Variants in SLC7A5 observed in about 807,000 individuals in gnomAD.
The protein encoded by SLC7A5 is solute carrier family 7 member 5.
SLC7A5 carries 23 observed loss-of-function variants against 50.2 expected under a neutral mutation model. The observed-to-expected ratio is 0.46, with a 90% confidence interval of 0.33 to 0.65. The LOEUF (loss-of-function observed/expected upper bound fraction) is 0.65, where lower values mean the gene tolerates loss of function less well. Ranked by LOEUF, SLC7A5 falls within the 30% of genes least tolerant of loss-of-function variation. The pLI, the probability that SLC7A5 is intolerant of heterozygous loss-of-function variation, is 0.02. For missense variants in SLC7A5, 578 were observed against 684.4 expected (o/e 0.84, Z 1.73); for synonymous variants, 393 against 330.6 (o/e 1.19, Z -2.05).
At chr16:87,834,274 G>T in intron 9 of SLC7A5, 140 bp downstream of exon 9, 1 of 787,310 alleles carries the variant, frequency 1.3e-6, no homozygotes, top group Non-Finnish European at 2.2e-6. Flanking sequence ...GCGTGTCACT[G>T]GCGGACACTG....
At chr16:87,846,083 C>G (rs1033237481) in intron 2 of SLC7A5, among the ~76,000 whole-genome samples, 4 of 152,216 alleles carry the variant, frequency 2.6e-5, no homozygotes, top group Non-Finnish European at 5.9e-5. Context: ...AAAGAGGTGC[C>G]CTGAGTCGCG....
rs2055237438 is a variant in SLC7A5, at chr16:87,852,258, CTG to C, written c.539-411_539-410del. On this transcript the variant is annotated intron_variant, in intron 1 of 9. Transcript: ENST00000261622. The surrounding 1 kb of genome is among the most constrained non-coding windows in gnomAD (Gnocchi z 4.5). ...GTACCTACTCAGCACCCTGACCTGA[CTG>C]TGAGACCCACGCACAGCCCGACTGC... Among the ~76,000 whole-genome samples the C allele has an allele frequency of 6.6e-6, 1 of 152,212 alleles. No homozygotes were observed. The highest frequency in any genetic ancestry group is 2.4e-5 in the African/African-American group (1 of 41,452).
chr16:87,849,755 G>C (rs2055196959), intron 2 of SLC7A5, among the ~76,000 whole-genome samples: 1 of 152,172 alleles, frequency 6.6e-6, no homozygotes, highest in Non-Finnish European at 1.5e-5. Flanking sequence ...GGAAGGTTCA[G>C]AATTGGGACT....
chr16:87,846,861 G>GCTCC (rs965841228), intron 2 of SLC7A5, among the ~76,000 whole-genome samples: 134 of 152,348 alleles, frequency 8.8e-4, no homozygotes, highest in African/African-American at 2.9e-3. Context: ...CATGGCAGTG[G>GCTCC]CTCCCGTGCC....
At position 87,830,392 on chromosome 16, in the gene SLC7A5, G is replaced by C. The variant is rs989015436; in HGVS notation, c.*2578C>G. The C allele has an allele frequency of 6.6e-6, 1 of 152,280 alleles. No homozygotes were observed. Among genetic ancestry groups the C allele is most frequent in the Non-Finnish European group, 1.5e-5 (1 of 68,056 alleles). The allele number at this position is 152,280 out of a possible 1,614,324, so 9.4% of individuals were successfully genotyped here. A position where few individuals can be genotyped will look rare whatever the true frequency, so the allele number is the denominator to read the frequency against. ...TTGCTTGTTGTGGTGGGTTGTGCTT[G>C]AAAACACCTGAAGCCCACAAGTGGA... On this transcript the variant is annotated 3_prime_UTR_variant, in exon 10 of 10. Coordinates refer to ENST00000261622, the MANE Select transcript of SLC7A5 (RefSeq NM_003486.7).
chr16:87,838,794 G>A lies in SLC7A5; in HGVS notation c.963C>T (p.Gly321=), dbSNP rs892133999. ...VAVDFGNYHL[G]VMSWIIPVFV... The stretch of plus-strand genomic sequence containing the variant: ...AGACGGGGATGATCCAGGACATGAC[G>A]CCCAGGTGATAGTTCCCGAAGTCCT... The change falls in exon 6 of 10, where the codon GGC becomes GGT. Residue 321 remains glycine (G), a synonymous_variant. Coordinates refer to ENST00000261622, the MANE Select transcript of SLC7A5 (RefSeq NM_003486.7). The A allele has an allele frequency of 6.2e-7, 1 of 1,613,974 alleles. No homozygotes were observed. The highest frequency in any genetic ancestry group is 2.2e-5 in the East Asian group (1 of 44,868).
intron 7 of SLC7A5, chr16:87,837,478 A>C: frequency 3.6e-6 from 1 of 278,318 alleles, no homozygotes; most frequent in Non-Finnish European, 6.9e-6. Context: ...GCGGGCTGGC[A>C]CGGAAAGATG....
At chr16:87,851,136 C>T (rs960228770) in intron 2 of SLC7A5, among the ~76,000 whole-genome samples, 6 of 151,694 alleles carry the variant, frequency 4.0e-5, no homozygotes, top group Non-Finnish European at 7.4e-5. Context: ...CACCTGTTCC[C>T]GAATGCTAAC....
At position 87,841,225 on chromosome 16, in the gene SLC7A5, A is replaced by G; in HGVS notation, c.665-70T>C. ...CAGAGGTCATGCTACCAGTTCTAGA[A>G]TGTTCCTGGAGCAAAATACATAGCA... On this transcript the variant is annotated intron_variant, in intron 2 of 9. Transcript: ENST00000261622. The surrounding 1 kb of genome is among the most constrained non-coding windows in gnomAD (Gnocchi z 4.8). The G allele has an allele frequency of 9.5e-7, 1 of 1,050,956 alleles. No individual in the cohort carries two copies. The highest frequency in any genetic ancestry group is 1.5e-6 in the Non-Finnish European group (1 of 669,814). The allele number at this position is 1,050,956 out of a possible 1,614,324, so 65.1% of individuals were successfully genotyped here. A position where few individuals can be genotyped will look rare whatever the true frequency, so the allele number is the denominator to read the frequency against.
rs185583982 is a variant in SLC7A5 at position 87,853,734 on chromosome 16, C to T, written c.539-1885G>A. 7.2e-4 allele frequency among the ~76,000 whole-genome samples: 109 copies of T among 152,208 alleles called. No homozygotes were observed. The highest frequency in any genetic ancestry group is 2.5e-3 in the African/African-American group (103 of 41,554). ...GAGAGCTTTCTGGATTCGCAAGAGG[C>T]CGGCTGATTGCATCACTCGCTCATT... On this transcript the variant is annotated intron_variant, in intron 1 of 9. Transcript: ENST00000261622. The surrounding 1 kb of genome is among the most constrained non-coding windows in gnomAD (Gnocchi z 4.4).
At chr16:87,867,298 T>C (rs929520594) in intron 1 of SLC7A5, among the ~76,000 whole-genome samples, 1 of 152,202 alleles carries the variant, frequency 6.6e-6, no homozygotes, top group African/African-American at 2.4e-5. Flanking sequence ...CGGGCCGACA[T>C]GTACCTAGGC....
chr16:87,858,659 C>G (rs935111247), intron 1 of SLC7A5, among the ~76,000 whole-genome samples: 17 of 152,284 alleles, frequency 1.1e-4, no homozygotes, highest in African/African-American at 4.1e-4. Flanking sequence ...CTAAATCTCA[C>G]CCTCGTGCTC....
chr16:87,868,845 A>T, intron 1 of SLC7A5, 40 bp downstream of exon 1: 1 of 1,561,026 alleles, frequency 6.4e-7, no homozygotes. Flanking sequence ...GGACCCAGAG[A>T]CTACGACCTC....
chr16:87,839,866 G>A (rs2055061938), intron 4 of SLC7A5, 41 bp from the exon 5 acceptor site: 1 of 1,612,058 alleles, frequency 6.2e-7, no homozygotes, highest in Non-Finnish European at 8.5e-7. Flanking sequence ...ACGCAGCCCG[G>A]GCTGAAGGCC....
intron 1 of SLC7A5, among the ~76,000 whole-genome samples, chr16:87,866,209 T>C (rs1323329679): frequency 4.6e-5 from 7 of 152,062 alleles, no homozygotes; most frequent in African/African-American, 1.7e-4. Flanking sequence ...AAAACCATTT[T>C]AGGCTTTAAA....
rs192521025 is a variant in SLC7A5 at position 87,853,413 on chromosome 16, C to T, written c.539-1564G>A. Among the ~76,000 whole-genome samples the T allele has an allele frequency of 1.1e-4, 16 of 152,312 alleles. No homozygotes were observed. The highest frequency in any genetic ancestry group is 2.2e-4 in the Non-Finnish European group (15 of 68,034). Reference sequence around the variant, plus strand: ...AAAAATGTCTGAAAGTCAGTGTTTTCGCTGCTATTCCTAAAATAAAATACT... The same window carrying T: ...AAAAATGTCTGAAAGTCAGTGTTTTTGCTGCTATTCCTAAAATAAAATACT... On this transcript the variant is annotated intron_variant, in intron 1 of 9. Coordinates refer to ENST00000261622, the MANE Select transcript of SLC7A5 (RefSeq NM_003486.7). This position sits in a 1 kb window ranked among gnomAD's most constrained non-coding sequence, Gnocchi z 4.4.
At position 87,841,427 on chromosome 16, in the gene SLC7A5, G is replaced by A. The variant is rs1370789714; in HGVS notation, c.665-272C>T. ...CACTGCCCAGGAGGGCTCCTCAGAC[G>A]CTTGTCTACAGGAGGTCAGGATGGA... On this transcript the variant is annotated intron_variant, in intron 2 of 9. Coordinates refer to ENST00000261622, the MANE Select transcript of SLC7A5 (RefSeq NM_003486.7). This position sits in a 1 kb window ranked among gnomAD's most constrained non-coding sequence, Gnocchi z 4.8. Among the ~76,000 whole-genome samples the A allele has an allele frequency of 1.3e-5, 2 of 152,200 alleles. No individual in the cohort carries two copies. Among genetic ancestry groups the A allele is most frequent in the Admixed American group, 6.5e-5 (1 of 15,278 alleles).
intron 1 of SLC7A5, among the ~76,000 whole-genome samples, chr16:87,865,434 T>C (rs1207581797): frequency 1.3e-5 from 2 of 152,118 alleles, no homozygotes; most frequent in Non-Finnish European, 2.9e-5. Context: ...TTAGGCCAGG[T>C]GTGGTGGCTC....
chr16:87,867,444 T>C (rs1357634680), intron 1 of SLC7A5, among the ~76,000 whole-genome samples: 1 of 152,226 alleles, frequency 6.6e-6, no homozygotes, highest in East Asian at 1.9e-4. Context: ...TTTCCCGGCT[T>C]TGACCTGCAT....
Sources: allele counts gnomAD v4.1 joint callset (sites outside exome capture counted in the v4.1 genomes callset), GRCh38; gene constraint gnomAD v4.1.1; non-coding constraint Gnocchi (gnomAD v3.1); transcripts MANE v1.5; gene names NCBI Gene and HGNC (gene_info 2026-07-23, HGNC 2026-07-21).